LYPD1: variants seen among roughly 807,000 people sequenced by gnomAD.
LYPD1 encodes the protein ly6/PLAUR domain-containing protein 1.
Under a neutral mutation model 14.2 loss-of-function variants are expected in LYPD1, and 14 were observed. The ratio of observed to expected loss-of-function variants is 0.99; its 90% CI spans 0.65 to 1.54. The LOEUF (loss-of-function observed/expected upper bound fraction) is 1.54. LYPD1 is among the 40% of genes most tolerant of loss of function. The pLI, the probability that LYPD1 is intolerant of heterozygous loss-of-function variation, is 0.00. For synonymous variants in LYPD1, 85 were observed against 70.6 expected (o/e 1.20, Z -1.02); for missense variants, 165 against 175.7 (o/e 0.94, Z 0.34).
chr2:132,669,843 G>A lies in LYPD1; in HGVS notation c.52+38C>T, dbSNP rs768045819. The stretch of plus-strand genomic sequence containing the variant: ...GGGCTGGCGGGTAGATGGATTGTGC[G>A]CACCTGGCCTCGGCTGCTGGCCTCT... On this transcript the variant is annotated intron_variant, in intron 1 of 2. Coordinates refer to ENST00000397463, the MANE Select transcript of LYPD1 (RefSeq NM_144586.7). The surrounding 1 kb of genome is among the most constrained non-coding windows in gnomAD (Gnocchi z 4.3). 3.1e-6 allele frequency: 5 copies of A among 1,608,590 alleles called. No homozygotes were observed. The highest frequency in any genetic ancestry group is 1.3e-5 in the African/African-American group (1 of 74,526).
chr2:132,647,499 A>G (rs1682164786), intron 2 of LYPD1, among the ~76,000 whole-genome samples: 1 of 152,116 alleles, frequency 6.6e-6, no homozygotes, highest in Admixed American at 6.5e-5. Flanking sequence ...CACCCGACTA[A>G]CTTTTGTAGT....
At chr2:132,654,094 T>A (rs1213596461) in intron 2 of LYPD1, among the ~76,000 whole-genome samples, 3 of 152,212 alleles carry the variant, frequency 2.0e-5, no homozygotes, top group African/African-American at 4.8e-5. Context: ...ACTGTGCCAA[T>A]GTTAATTTCC....
rs566407749 is a variant in LYPD1, at chr2:132,655,925, T to G, written c.191-9645A>C. Among the ~76,000 whole-genome samples, 4 of 152,318 alleles carry G rather than the reference T, an allele frequency of 2.6e-5. No homozygotes were observed. In the South Asian group the frequency reaches 8.3e-4, roughly 32 times the overall value. ...TGCTAGAAGTATTGAGCCTCTTTGT[T>G]GTATTGAGACCAAAAGAAGATCTGT... On this transcript the variant is annotated intron_variant, in intron 2 of 2. Coordinates refer to ENST00000397463, the MANE Select transcript of LYPD1 (RefSeq NM_144586.7).
Position 132,669,822 on chromosome 2 carries a change from T to C in LYPD1, c.52+59A>G. 1.3e-6 allele frequency: 2 copies of C among 1,597,286 alleles called. No homozygotes were observed. The highest frequency in any genetic ancestry group is 1.7e-6 in the Non-Finnish European group (2 of 1,171,602). ...GTGGGCGCCTTGGGGGCAAAAGGGCTGGCGGGTAGATGGATTGTGCGCACC... is the reference window on the plus strand; with the variant it reads ...GTGGGCGCCTTGGGGGCAAAAGGGCCGGCGGGTAGATGGATTGTGCGCACC... On this transcript the variant is annotated intron_variant, in intron 1 of 2. Transcript: ENST00000397463. The surrounding 1 kb of genome is among the most constrained non-coding windows in gnomAD (Gnocchi z 4.3).
At position 132,668,474 on chromosome 2, in the gene LYPD1, G is replaced by A; in HGVS notation, c.116C>T (p.Ser39Phe). 6.2e-7 allele frequency: 1 copy of A among 1,612,164 alleles called. No individual in the cohort carries two copies. The highest frequency in any genetic ancestry group is 8.5e-7 in the Non-Finnish European group (1 of 1,179,190). ...CGTGCAATTCACAATGAACTCGGGG[G>A]AGGAGCAGTCGTTGTTCAGCTGGAA... ...EEFQLNNDCS[S>F]PEFIVNCTVN... is the part of the protein sequence containing the mutation. Residue 39 changes from serine (S) to phenylalanine (F), a missense_variant, in exon 2 of 3, where the codon TCC (serine) becomes TTC (phenylalanine). Transcript: ENST00000397463.
intron 2 of LYPD1, among the ~76,000 whole-genome samples, chr2:132,663,994 T>C (rs1006762536): frequency 6.6e-6 from 1 of 152,164 alleles, no homozygotes; most frequent in Non-Finnish European, 1.5e-5. Flanking sequence ...TATATGCAAA[T>C]ATATATACAG....
chr2:132,656,682 A>G (rs1200233612), intron 2 of LYPD1, among the ~76,000 whole-genome samples: 1 of 152,204 alleles, frequency 6.6e-6, no homozygotes, highest in African/African-American at 2.4e-5. Context: ...TCAAGAAAGT[A>G]GTTCTTTTCT....
intron 1 of LYPD1, 29 bp from the exon 2 acceptor site, chr2:132,668,566 T>C (rs1683425127): frequency 6.2e-7 from 1 of 1,607,180 alleles, no homozygotes; most frequent in African/African-American, 1.3e-5. Flanking sequence ...CGGGTTCAGA[T>C]CCGGCCCCCA....
chr2:132,668,577 C>A (rs758197761), intron 1 of LYPD1, 40 bp from the exon 2 acceptor site: 2 of 1,602,352 alleles, frequency 1.2e-6, no homozygotes, highest in South Asian at 2.2e-5. Context: ...CCGGCCCCCA[C>A]AGAGCCCACC....
At chr2:132,659,162 T>C (rs184230745) in intron 2 of LYPD1, among the ~76,000 whole-genome samples, 8 of 152,388 alleles carry the variant, frequency 5.2e-5, no homozygotes, top group Admixed American at 5.2e-4. Context: ...CTTGTCTTTA[T>C]TCTATTTTTC....
In LYPD1 at chr2:132,645,032, TTCA is replaced by T. The variant is rs1334260831; in HGVS notation, c.*1010_*1012del. ...AGGGGCTAAATATTTTATGGTTTTA[TTCA>T]TTTACTGTGTTCTCATGCTGTGTTT... On this transcript the variant is annotated 3_prime_UTR_variant, in exon 3 of 3. Coordinates refer to ENST00000397463, the MANE Select transcript of LYPD1 (RefSeq NM_144586.7). 1.3e-6 allele frequency: 2 copies of T among 1,510,006 alleles called. No individual in the cohort carries two copies. The highest frequency in any genetic ancestry group is 2.8e-5 in the African/African-American group (2 of 71,946). 93.5% of individuals were successfully genotyped at this position (1,510,006 alleles called of 1,614,324 possible).
In LYPD1 at chr2:132,644,006, C is replaced by A. The variant is rs909308059; in HGVS notation, c.*2039G>T. 6.6e-6 allele frequency among the ~76,000 whole-genome samples: 1 copy of A among 152,192 alleles called. No individual in the cohort carries two copies. The highest frequency in any genetic ancestry group is 6.5e-5 in the Admixed American group (1 of 15,286). ...TGCAAATCCTGCTTTAAGGTAGCAG[C>A]TCTCTACAGGGGAATTTACTGTGGG... On this transcript the variant is annotated 3_prime_UTR_variant, in exon 3 of 3. Transcript: ENST00000397463.
intron 2 of LYPD1, among the ~76,000 whole-genome samples, chr2:132,648,679 T>C (rs753265787): frequency 5.9e-5 from 9 of 152,228 alleles, no homozygotes; most frequent in Non-Finnish European, 1.0e-4. Flanking sequence ...CTCATGTCGT[T>C]AGTCAGAAAC....
intron 2 of LYPD1, among the ~76,000 whole-genome samples, chr2:132,661,343 G>A (rs536878983): frequency 1.6e-4 from 24 of 152,322 alleles, no homozygotes; most frequent in East Asian, 1.9e-4. Flanking sequence ...TTCCTTTGCC[G>A]AAAACTCACT....
chr2:132,658,314 A>G (rs992434848), intron 2 of LYPD1, among the ~76,000 whole-genome samples: 2 of 152,214 alleles, frequency 1.3e-5, no homozygotes, highest in African/African-American at 4.8e-5. Flanking sequence ...TGTCCCTGCT[A>G]CTTGCAGCCA....
intron 2 of LYPD1, among the ~76,000 whole-genome samples, chr2:132,648,942 G>A (rs1466145914): frequency 6.6e-6 from 1 of 152,132 alleles, no homozygotes; most frequent in East Asian, 1.9e-4. Flanking sequence ...GGTAGCTGTG[G>A]GCTTCTATGA....
intron 2 of LYPD1, among the ~76,000 whole-genome samples, chr2:132,659,897 A>C (rs531481852): frequency 4.8e-4 from 73 of 152,340 alleles, no homozygotes; most frequent in Non-Finnish European, 9.7e-4. Flanking sequence ...TACATTTTGC[A>C]TAAGTAATAG....
intron 2 of LYPD1, among the ~76,000 whole-genome samples, chr2:132,657,488 C>T (rs1261345923): frequency 6.6e-6 from 1 of 152,190 alleles, no homozygotes; most frequent in Non-Finnish European, 1.5e-5. Context: ...GATTCTTAAT[C>T]AGTTTCTTGC....
At chr2:132,663,821 C>T (rs1267809871) in intron 2 of LYPD1, among the ~76,000 whole-genome samples, 1 of 151,932 alleles carries the variant, frequency 6.6e-6, no homozygotes, top group East Asian at 1.9e-4. Context: ...AGCAGAGACC[C>T]CTGCTACTTC....
Sources: allele counts gnomAD v4.1 joint callset (sites outside exome capture counted in the v4.1 genomes callset), GRCh38; gene constraint gnomAD v4.1.1; non-coding constraint Gnocchi (gnomAD v3.1); transcripts MANE v1.5; gene names NCBI Gene and HGNC (gene_info 2026-07-23, HGNC 2026-07-21).